Variants in SLC9A9 observed in about 807,000 individuals in gnomAD.
SLC9A9 encodes the protein solute carrier family 9 member A9.
SLC9A9 carries 62 observed loss-of-function variants against 77.8 expected under a neutral mutation model. The ratio of observed to expected loss-of-function variants is 0.80; its 90% confidence interval spans 0.65 to 0.98. The LOEUF (loss-of-function observed/expected upper bound fraction) is 0.98. Ranked by LOEUF, SLC9A9 falls within the 50% of genes least tolerant of loss-of-function variation. The probability of loss-of-function intolerance (pLI) is 0.00; values close to 1 mark genes in which losing one functional copy is unlikely to be tolerated. For synonymous variants in SLC9A9, 320 were observed against 283.5 expected, an observed-to-expected ratio of 1.13 and a Z score of -1.29; for missense variants, 775 against 774.9, an observed-to-expected ratio of 1.00 and a Z score of 0.00.
chr3:143,477,347 T>TTTTTC (rs1553758984), intron 11 of SLC9A9, among the ~76,000 whole-genome samples: 8 of 103,044 alleles, frequency 7.8e-5, no homozygotes, highest in Non-Finnish European at 1.3e-4. Flanking sequence ...TTTTTTTTTT[T>TTTTTC]CCCCCTCCCC....
intron 9 of SLC9A9, among the ~76,000 whole-genome samples, chr3:143,551,441 G>A (rs2036882428): frequency 6.6e-6 from 1 of 152,204 alleles, no homozygotes; most frequent in African/African-American, 2.4e-5. Context: ...CACAAGCCAT[G>A]CTGAACTATT....
At chr3:143,497,743 T>C (rs1046293837) in intron 9 of SLC9A9, among the ~76,000 whole-genome samples, 1 of 152,204 alleles carries the variant, frequency 6.6e-6, no homozygotes, top group Non-Finnish European at 1.5e-5. Flanking sequence ...GTTCTATCAT[T>C]ACTCTAAAAC....
At chr3:143,552,239 T>G in intron 9 of SLC9A9, 123 bp downstream of exon 9, 1 of 684,540 alleles carries the variant, frequency 1.5e-6, no homozygotes, top group Non-Finnish European at 2.4e-6. Flanking sequence ...CAACTCGTAA[T>G]GAAGCCTTAA....
intron 14 of SLC9A9, among the ~76,000 whole-genome samples, chr3:143,317,998 A>AT (rs1176407715): frequency 3.9e-5 from 6 of 152,144 alleles, no homozygotes; most frequent in Non-Finnish European, 7.4e-5. Flanking sequence ...AAGTGCTGGG[A>AT]TTACAGGCCT....
chr3:143,672,166 A>T (rs914006572), intron 5 of SLC9A9, among the ~76,000 whole-genome samples: 1 of 145,748 alleles, frequency 6.9e-6, no homozygotes, highest in Non-Finnish European at 1.5e-5. Flanking sequence ...TGAAGGAACT[A>T]CTTTGTCAAT....
intron 6 of SLC9A9, among the ~76,000 whole-genome samples, chr3:143,580,412 C>T (rs772667581): frequency 6.6e-6 from 1 of 152,172 alleles, no homozygotes; most frequent in Non-Finnish European, 1.5e-5. Context: ...ATCCTTCTCT[C>T]CACCTCCATA....
chr3:143,600,896 G>A (rs746256527), intron 6 of SLC9A9, among the ~76,000 whole-genome samples: 1 of 152,164 alleles, frequency 6.6e-6, no homozygotes, highest in Non-Finnish European at 1.5e-5. Flanking sequence ...CTCACTCCTG[G>A]CAGGGCTTGC....
intron 12 of SLC9A9, among the ~76,000 whole-genome samples, chr3:143,435,131 G>A (rs991419022): frequency 9.2e-5 from 14 of 151,624 alleles, no homozygotes; most frequent in Admixed American, 2.6e-4. Context: ...TCTCAATTTT[G>A]TCTTATATTT....
intron 4 of SLC9A9, among the ~76,000 whole-genome samples, chr3:143,786,057 G>A (rs1262449505): frequency 1.3e-5 from 2 of 151,360 alleles, no homozygotes; most frequent in Admixed American, 6.6e-5. Flanking sequence ...GGGTTTCACC[G>A]TGTTAGCCAG....
Position 143,547,890 on chromosome 3 carries a change from C to T in SLC9A9, c.1089+4472G>A, listed in dbSNP as rs1282403138. ...TATTTATTTTGACTACTATGAAGTT[C>T]CTCAACTAGAAATTCTTTTTTTGTT... On this transcript the variant is annotated intron_variant, in intron 9 of 15. Transcript: ENST00000316549. 2.0e-5 allele frequency among the ~76,000 whole-genome samples: 3 copies of T among 152,314 alleles called. No individual in the cohort carries two copies. The East Asian group carries it at 5.8e-4, about 29-fold the overall frequency.
intron 14 of SLC9A9, among the ~76,000 whole-genome samples, chr3:143,325,394 A>C (rs1345256340): frequency 6.6e-6 from 1 of 152,152 alleles, no homozygotes; most frequent in African/African-American, 2.4e-5. Context: ...CTTCTCTCTC[A>C]TTTCCTAACC....
chr3:143,823,317 A>G (rs1407688524), intron 2 of SLC9A9, among the ~76,000 whole-genome samples: 10 of 152,186 alleles, frequency 6.6e-5, no homozygotes, highest in Admixed American at 5.9e-4. Flanking sequence ...CAGTGGGGGA[A>G]TGTCAGGTGG....
chr3:143,341,346 A>G (rs986840063), intron 14 of SLC9A9, among the ~76,000 whole-genome samples: 1 of 152,174 alleles, frequency 6.6e-6, no homozygotes, highest in African/African-American at 2.4e-5. Context: ...GGAACTCCAG[A>G]GTAGGATTTT....
At chr3:143,367,713 T>C (rs902234360) in intron 13 of SLC9A9, among the ~76,000 whole-genome samples, 8 of 152,136 alleles carry the variant, frequency 5.3e-5, no homozygotes, top group African/African-American at 1.9e-4. Flanking sequence ...CATCAATCTA[T>C]CTGGATTCTT....
At chr3:143,451,297 T>C (rs745793920) in intron 12 of SLC9A9, among the ~76,000 whole-genome samples, 2 of 152,228 alleles carry the variant, frequency 1.3e-5, no homozygotes, top group Non-Finnish European at 2.9e-5. Flanking sequence ...GGCAATTCCC[T>C]GTCTTAAGCA....
intron 12 of SLC9A9, among the ~76,000 whole-genome samples, chr3:143,432,041 C>G (rs2034527373): frequency 1.3e-5 from 2 of 152,228 alleles, no homozygotes; most frequent in Admixed American, 1.3e-4. Context: ...CCTCCATTCT[C>G]TCTTCCTCTG....
intron 11 of SLC9A9, among the ~76,000 whole-genome samples, chr3:143,481,034 G>C (rs2035565264): frequency 6.6e-6 from 1 of 152,176 alleles, no homozygotes; most frequent in South Asian, 2.1e-4. Context: ...TCTTGACTGA[G>C]TGAAATGTAC....
chr3:143,847,405 T>C (rs1490414895), intron 1 of SLC9A9, among the ~76,000 whole-genome samples: 2 of 152,148 alleles, frequency 1.3e-5, no homozygotes, highest in Non-Finnish European at 2.9e-5. Flanking sequence ...TTTATTAAAC[T>C]TTCTGAAAGG....
chr3:143,754,113 G>C (rs575232321), intron 4 of SLC9A9, among the ~76,000 whole-genome samples: 1 of 152,192 alleles, frequency 6.6e-6, no homozygotes, highest in Non-Finnish European at 1.5e-5. Context: ...CCAGACAAAG[G>C]TATGGAGAAG....
Sources: allele counts gnomAD v4.1 joint callset (sites outside exome capture counted in the v4.1 genomes callset), GRCh38; gene constraint gnomAD v4.1.1; transcripts MANE v1.5; gene names NCBI Gene and HGNC (gene_info 2026-07-23, HGNC 2026-07-21).